CLMN: variants seen among roughly 807,000 people sequenced by gnomAD.
CLMN encodes calmin (calponin-like, transmembrane).
CLMN carries 57 observed loss-of-function variants against 92.7 expected under a neutral mutation model. The ratio of observed to expected loss-of-function variants is 0.61; its 90% CI spans 0.50 to 0.77. The LOEUF (loss-of-function observed/expected upper bound fraction) is 0.77. Among genes scored for constraint, CLMN ranks in the 30% least tolerant of loss-of-function variants. The probability of loss-of-function intolerance (pLI) is 0.00; values close to 1 mark genes in which losing one functional copy is unlikely to be tolerated. For synonymous variants in CLMN, 466 were observed against 470.6 expected (o/e 0.99, Z 0.13); for missense variants, 1,158 against 1,237.5 (o/e 0.94, Z 0.96).
rs1901976887 is a variant in CLMN at position 95,319,902 on chromosome 14, G to C, written c.-110C>G. ...ACCCGGCGAGGGCGCCGCGGAGCTGGAGTCGCGGCGGGCGCGGGCGGGGCG... is the reference window on the plus strand; with the variant it reads ...ACCCGGCGAGGGCGCCGCGGAGCTGCAGTCGCGGCGGGCGCGGGCGGGGCG... On this transcript the variant is annotated 5_prime_UTR_variant, in exon 1 of 13. Transcript: ENST00000298912. The C allele has an allele frequency of 7.8e-6, 3 of 383,294 alleles. No individual in the cohort carries two copies. Among genetic ancestry groups the C allele is most frequent in the African/African-American group, 2.4e-5 (1 of 41,338 alleles). The allele number at this position is 383,294 out of a possible 1,614,324, so 23.7% of individuals were successfully genotyped here. A position where few individuals can be genotyped will look rare whatever the true frequency, so the allele number is the denominator to read the frequency against.
At chr14:95,195,022 G>A (rs1595551642) in intron 10 of CLMN, among the ~76,000 whole-genome samples, 2 of 152,182 alleles carry the variant, frequency 1.3e-5, no homozygotes, top group African/African-American at 4.8e-5. Context: ...GTACAAGTGG[G>A]AATGCTTGCC....
intron 1 of CLMN, among the ~76,000 whole-genome samples, chr14:95,319,215 CT>C (rs1363257142): frequency 6.6e-6 from 1 of 152,128 alleles, no homozygotes; most frequent in East Asian, 1.9e-4. Flanking sequence ...ATCCGCACCC[CT>C]GGCCCCGCTT....
intron 2 of CLMN, among the ~76,000 whole-genome samples, chr14:95,225,993 G>A (rs1462364664): frequency 1.3e-5 from 2 of 152,156 alleles, no homozygotes; most frequent in Non-Finnish European, 2.9e-5. Flanking sequence ...TCTGTTCCCC[G>A]GAACCTTAGG....
At chr14:95,198,042 CTTTTTT>C (rs1019598103) in intron 9 of CLMN, among the ~76,000 whole-genome samples, 1 of 69,958 alleles carries the variant, frequency 1.4e-5, no homozygotes, top group African/African-American at 5.9e-5. Context: ...TTTTTTCTTT[CTTTTTT>C]TTTTTTTTTT....
chr14:95,193,833 A>G lies in CLMN; in HGVS notation c.2840+16T>C. 1 of 1,613,198 alleles carries G rather than the reference A, an allele frequency of 6.2e-7. No homozygotes were observed. The highest frequency in any genetic ancestry group is 1.1e-5 in the South Asian group (1 of 90,642). On this transcript the variant is annotated intron_variant, in intron 12 of 12. Coordinates refer to ENST00000298912, the MANE Select transcript of CLMN (RefSeq NM_024734.4). Reference sequence around the variant, plus strand: ...TTTATTACTACCCCCACAAAACCTGAAGTAAAGCCACCAACCTGGTTAATA... The same window carrying G: ...TTTATTACTACCCCCACAAAACCTGGAGTAAAGCCACCAACCTGGTTAATA...
At chr14:95,242,767 C>CCG in intron 1 of CLMN, among the ~76,000 whole-genome samples, 1 of 151,312 alleles carries the variant, frequency 6.6e-6, no homozygotes, top group East Asian at 1.9e-4. Flanking sequence ...CAGGGTTTCA[C>CCG]TATATAGGCC....
In CLMN at chr14:95,284,277, C is replaced by T. The variant is rs536256079; in HGVS notation, c.82+35434G>A. ...ATATATATATGGAAATGCCTGGATG[C>T]GCAGGCAAAAGTTTGCTGCAGGGGC... On this transcript the variant is annotated intron_variant, in intron 1 of 12. Transcript: ENST00000298912. Among the ~76,000 whole-genome samples the T allele has an allele frequency of 5.3e-4, 81 of 152,290 alleles. 1 individual carries two copies. The highest frequency in any genetic ancestry group is 1.9e-3 in the African/African-American group (77 of 41,562).
At position 95,194,020 on chromosome 14, in the gene CLMN, A is replaced by G. The variant is rs1053329631; in HGVS notation, c.2770-101T>C. The G allele has an allele frequency of 5.6e-5, 86 of 1,533,494 alleles. No homozygotes were observed. Among genetic ancestry groups the G allele is most frequent in the Non-Finnish European group, 7.1e-5 (81 of 1,143,200 alleles). 95.0% of individuals were successfully genotyped at this position (1,533,494 alleles called of 1,614,324 possible). On this transcript the variant is annotated intron_variant, in intron 11 of 12. Transcript: ENST00000298912. This position sits in a 1 kb window ranked among gnomAD's most constrained non-coding sequence, Gnocchi z 4.0. ...CGATTTTAAACACACAAAGCCGAGCATGCCGGGCATTTCTCAATACCGCCA... is the reference window on the plus strand; with the variant it reads ...CGATTTTAAACACACAAAGCCGAGCGTGCCGGGCATTTCTCAATACCGCCA...
At chr14:95,313,013 C>T (rs1244459675) in intron 1 of CLMN, among the ~76,000 whole-genome samples, 2 of 152,168 alleles carry the variant, frequency 1.3e-5, no homozygotes, top group Non-Finnish European at 2.9e-5. Flanking sequence ...CGAGACCAGC[C>T]TGGCCAACAT....
At chr14:95,240,194 T>C (rs1464718835) in intron 1 of CLMN, among the ~76,000 whole-genome samples, 2 of 152,214 alleles carry the variant, frequency 1.3e-5, no homozygotes, top group Admixed American at 6.5e-5. Flanking sequence ...TGTGAAGCGA[T>C]GTAGGACTGC....
At chr14:95,293,265 CCTCCCTCCTTCT>C (rs1281721652) in intron 1 of CLMN, among the ~76,000 whole-genome samples, 1 of 60,446 alleles carries the variant, frequency 1.7e-5, no homozygotes, top group Non-Finnish European at 3.7e-5. Flanking sequence ...TCCTTCCCTC[CCTCCCTCCTTCT>C]TTTCCTCCCT....
intron 1 of CLMN, among the ~76,000 whole-genome samples, chr14:95,293,225 T>TTTTCCTCCCTCCCTCC (rs1900654499): frequency 2.0e-5 from 1 of 49,966 alleles, no homozygotes; most frequent in East Asian, 8.3e-4. Flanking sequence ...TCCTTCCTTC[T>TTTTCCTCCCTCCCTCC]TTTCCTCCCT....
chr14:95,202,473 A>G lies in CLMN; in HGVS notation c.2511+365T>C, dbSNP rs1174749852. ...GCCCAGGTACTGAGAATAGTATGCA[A>G]CGGTTAGTTTTTCAACCCTTGCCCT... On this transcript the variant is annotated intron_variant, in intron 9 of 12. Coordinates refer to ENST00000298912, the MANE Select transcript of CLMN (RefSeq NM_024734.4). Among the ~76,000 whole-genome samples the G allele has an allele frequency of 2.6e-5, 4 of 152,326 alleles. No individual in the cohort carries two copies. The East Asian group carries it at 7.7e-4, about 29-fold the overall frequency.
intron 1 of CLMN, among the ~76,000 whole-genome samples, chr14:95,281,951 C>T (rs569166556): frequency 6.8e-4 from 103 of 152,158 alleles, no homozygotes; most frequent in Non-Finnish European, 1.3e-3. Context: ...GGCTCCACCA[C>T]CCTTCAATTC....
chr14:95,278,757 G>A lies in CLMN; in HGVS notation c.82+40954C>T, dbSNP rs562206985. Among the ~76,000 whole-genome samples, 3 of 152,314 alleles carry A rather than the reference G, an allele frequency of 2.0e-5. No individual in the cohort carries two copies. In the East Asian group the frequency reaches 5.8e-4, roughly 29 times the overall value. ...ACTCTCTTTGCATATTTGGATCAGAGAAGCATGTTCTTGGCTGCCTAGAAG... is the reference window on the plus strand; with the variant it reads ...ACTCTCTTTGCATATTTGGATCAGAAAAGCATGTTCTTGGCTGCCTAGAAG... On this transcript the variant is annotated intron_variant, in intron 1 of 12. Coordinates refer to ENST00000298912, the MANE Select transcript of CLMN (RefSeq NM_024734.4).
intron 1 of CLMN, among the ~76,000 whole-genome samples, chr14:95,231,109 G>T (rs1243923843): frequency 6.6e-6 from 1 of 152,122 alleles, no homozygotes; most frequent in Non-Finnish European, 1.5e-5. Context: ...TTAGGAACTG[G>T]CCTGCACAGC....
At chr14:95,309,816 T>C (rs1901451782) in intron 1 of CLMN, among the ~76,000 whole-genome samples, 1 of 152,002 alleles carries the variant, frequency 6.6e-6, no homozygotes. Context: ...CAGAGAAGGC[T>C]TGACAGCCAT....
Position 95,203,315 on chromosome 14 carries a change from GTCA to G in CLMN, c.2031_2033del (p.Asp678del), listed in dbSNP as rs1239481517. Reference sequence around the variant, plus strand: ...ATAATTCCTCGCCCACACCCTGGAGGTCATCGTCTTCTCCCTCTTCCTCATAAT... The same window carrying G: ...ATAATTCCTCGCCCACACCCTGGAGGTCGTCTTCTCCCTCTTCCTCATAAT... On this transcript the variant is annotated inframe_deletion, in exon 9 of 13. Transcript: ENST00000298912. 5.6e-6 allele frequency: 9 copies of G among 1,614,018 alleles called. No homozygotes were observed. Among genetic ancestry groups the G allele is most frequent in the Middle Eastern group, 3.3e-4 (2 of 6,080 alleles).
intron 5 of CLMN, among the ~76,000 whole-genome samples, chr14:95,215,132 T>C (rs956888541): frequency 6.6e-5 from 10 of 152,206 alleles, no homozygotes; most frequent in African/African-American, 2.4e-4. Context: ...AAATAAAATG[T>C]CATCTTCTTA....
Sources: gnomAD v4.1 joint callset for allele counts (sites outside exome capture counted in the v4.1 genomes callset) on GRCh38, gnomAD v4.1.1 for gene constraint, Gnocchi (gnomAD v3.1) non-coding constraint, MANE v1.5 for transcripts, NCBI Gene and HGNC (gene_info 2026-07-23, HGNC 2026-07-21) for gene names.